The following PTER variants were observed in gnomAD, a reference collection of about 807,000 sequenced individuals.
PTER encodes the protein N-acetyltaurine hydrolase.
Under a neutral mutation model 29.6 loss-of-function variants are expected in PTER, and 38 were observed. That is an observed-to-expected ratio of 1.28 (90% confidence interval 0.99 to 1.68). The LOEUF is 1.68. Among genes scored for constraint, PTER ranks in the 40% most tolerant of loss-of-function variants. The probability of loss-of-function intolerance (pLI) is 0.00; values close to 1 mark genes in which losing one functional copy is unlikely to be tolerated. For missense variants in PTER, 482 were observed against 427.8 expected (o/e 1.13, Z -1.12); for synonymous variants, 172 against 154.5 (o/e 1.11, Z -0.84).
rs747286308 is a variant in PTER, at chr10:16,511,270, G to A, written c.*14G>A. 1 of 1,600,392 alleles carries A rather than the reference G, an allele frequency of 6.2e-7. No homozygotes were observed. The highest frequency in any genetic ancestry group is 2.2e-5 in the East Asian group (1 of 44,794). On this transcript the variant is annotated 3_prime_UTR_variant, in exon 5 of 5. Transcript: ENST00000535784. ...ACTTTCAAATAGGATGGTTGCTTAT[G>A]AATTCACACCTTGAGTATAAAACTT... is the stretch of plus-strand genomic sequence containing the variant.
At chr10:16,446,022 A>C (rs963282823) in intron 1 of PTER, among the ~76,000 whole-genome samples, 3 of 152,092 alleles carry the variant, frequency 2.0e-5, no homozygotes, top group Non-Finnish European at 4.4e-5. Flanking sequence ...AGTAAAGTGC[A>C]TCTTCAAGAG....
At chr10:16,487,872 AAACT>A (rs1279559366) in intron 3 of PTER, among the ~76,000 whole-genome samples, 1 of 152,222 alleles carries the variant, frequency 6.6e-6, no homozygotes, top group African/African-American at 2.4e-5. Flanking sequence ...GCTATTTCAT[AAACT>A]AACAGTCCTG....
At chr10:16,517,301 CATTG>C (rs1330794920), downstream of PTER, among the ~76,000 whole-genome samples, 2 of 152,196 alleles carry the variant, frequency 1.3e-5, no homozygotes, top group East Asian at 3.8e-4. Flanking sequence ...TTTGACATGT[CATTG>C]ATCTCTCTAA....
At chr10:16,471,191 A>G (rs1235233781) in intron 1 of PTER, among the ~76,000 whole-genome samples, 2 of 152,256 alleles carry the variant, frequency 1.3e-5, no homozygotes, top group East Asian at 1.9e-4. Flanking sequence ...AATATTGCGC[A>G]GGAACAATAT....
At chr10:16,505,949 C>T (rs879728473) in intron 4 of PTER, among the ~76,000 whole-genome samples, 1 of 152,030 alleles carries the variant, frequency 6.6e-6, no homozygotes, top group Non-Finnish European at 1.5e-5. Context: ...AAGATGAGGA[C>T]AGAGACCTGG....
At chr10:16,516,112 T>C (rs1349061982), downstream of PTER, among the ~76,000 whole-genome samples, 1 of 152,166 alleles carries the variant, frequency 6.6e-6, no homozygotes, top group East Asian at 1.9e-4. Context: ...TTAAAGTGTC[T>C]TTCTGGGTAT....
Position 16,477,456 on chromosome 10 carries a change from C to T in PTER, c.-48-6881C>T, listed in dbSNP as rs148541154. Among the ~76,000 whole-genome samples the T allele has an allele frequency of 2.7e-3, 409 of 152,214 alleles. 3 individuals carry two copies. Among genetic ancestry groups the T allele is most frequent in the African/African-American group, 8.1e-3 (336 of 41,542 alleles). ...CCTTCCAAAGTGCTGGGACTACAGG[C>T]GTGAGCTACTGTGCCCAGCCTAAAA... is the stretch of plus-strand genomic sequence containing the variant. On this transcript the variant is annotated intron_variant, in intron 1 of 4. Coordinates refer to ENST00000535784, the MANE Select transcript of PTER (RefSeq NM_001261836.2).
chr10:16,450,766 C>G (rs888238314), intron 1 of PTER, among the ~76,000 whole-genome samples: 1 of 152,116 alleles, frequency 6.6e-6, no homozygotes, highest in Non-Finnish European at 1.5e-5. Context: ...CCTTGTCCAG[C>G]GAACTAAGTA....
At chr10:16,471,460 T>A (rs1835052103) in intron 1 of PTER, among the ~76,000 whole-genome samples, 1 of 151,262 alleles carries the variant, frequency 6.6e-6, no homozygotes, top group Non-Finnish European at 1.5e-5. Flanking sequence ...TAAATTGTAA[T>A]GAAGGAAAAA....
chr10:16,459,008 A>G (rs1019804901), intron 1 of PTER, among the ~76,000 whole-genome samples: 3 of 152,336 alleles, frequency 2.0e-5, no homozygotes, highest in African/African-American at 7.2e-5. Context: ...AGATAAGTGC[A>G]AAGGGAAAAA....
At chr10:16,441,617 C>G (rs1483643036) in intron 1 of PTER, among the ~76,000 whole-genome samples, 1 of 152,180 alleles carries the variant, frequency 6.6e-6, no homozygotes, top group Non-Finnish European at 1.5e-5. Flanking sequence ...GGTTAACAAT[C>G]AAAGTTCTCC....
At position 16,486,421 on chromosome 10, in the gene PTER, G is replaced by A; in HGVS notation, c.502G>A (p.Gly168Arg). 2.5e-6 allele frequency: 4 copies of A among 1,613,928 alleles called. No individual in the cohort carries two copies. Among genetic ancestry groups the A allele is most frequent in the Non-Finnish European group, 3.4e-6 (4 of 1,179,938 alleles). Residue 168 changes from glycine (G) to arginine (R), a missense_variant, in exon 3 of 5, where the codon GGA (glycine) becomes AGA (arginine). By Grantham distance (125) the Gly-to-Arg change is moderately radical. Coordinates refer to ENST00000535784, the MANE Select transcript of PTER (RefSeq NM_001261836.2). ...AACCAGTATCAAGTGTGGCATTATT[G>A]GAGAAATTGGTTGCTCCTGGCCTTT... ...DGTSIKCGII[G>R]EIGCSWPLTE...
rs572620136 is a variant in PTER at position 16,456,193 on chromosome 10, A to G, written c.-49+19146A>G. Among the ~76,000 whole-genome samples, 6 of 152,330 alleles carry G rather than the reference A, an allele frequency of 3.9e-5. No homozygotes were observed. The South Asian group carries it at 1.0e-3, about 26-fold the overall frequency. The stretch of plus-strand genomic sequence containing the variant: ...GACTCAAAGCAGCTCTAAAATACGT[A>G]CATTCTTTCCAGTCAAGTTCACTTA... On this transcript the variant is annotated intron_variant, in intron 1 of 4. Transcript: ENST00000535784.
intron 1 of PTER, among the ~76,000 whole-genome samples, chr10:16,478,106 A>G (rs1180213858): frequency 6.6e-6 from 1 of 152,254 alleles, no homozygotes; most frequent in Non-Finnish European, 1.5e-5. Context: ...TTTACATCAA[A>G]CATTCTCAAG....
chr10:16,493,750 G>C (rs932878938), intron 3 of PTER, among the ~76,000 whole-genome samples: 28 of 151,362 alleles, frequency 1.8e-4, no homozygotes, highest in Admixed American at 5.9e-4. Context: ...AAGAAAGAAG[G>C]AAAAAAGGAA....
At chr10:16,499,825 G>GAA (rs905021619) in intron 3 of PTER, among the ~76,000 whole-genome samples, 1 of 151,454 alleles carries the variant, frequency 6.6e-6, no homozygotes, top group Admixed American at 6.6e-5. Context: ...TAAAAAATCA[G>GAA]AAAAAAAACT....
At chr10:16,494,655 G>A (rs1387382531) in intron 3 of PTER, among the ~76,000 whole-genome samples, 2 of 152,154 alleles carry the variant, frequency 1.3e-5, no homozygotes, top group African/African-American at 4.8e-5. Context: ...CTTGGGTCTG[G>A]ATCAAACTAA....
chr10:16,462,138 A>C (rs1012467494), intron 1 of PTER, among the ~76,000 whole-genome samples: 3 of 152,112 alleles, frequency 2.0e-5, no homozygotes, highest in African/African-American at 7.2e-5. Flanking sequence ...GGCGCCTGCC[A>C]CTACGCCTGG....
intron 3 of PTER, among the ~76,000 whole-genome samples, chr10:16,498,403 G>C (rs1234452422): frequency 6.6e-6 from 1 of 152,182 alleles, no homozygotes; most frequent in Non-Finnish European, 1.5e-5. Flanking sequence ...GGCCAACATG[G>C]CGAAACCCTA....
Sources: allele counts gnomAD v4.1 joint callset (sites outside exome capture counted in the v4.1 genomes callset), GRCh38; gene constraint gnomAD v4.1.1; transcripts MANE v1.5; gene names NCBI Gene and HGNC (gene_info 2026-07-23, HGNC 2026-07-21).